The following CPNE4 variants were observed in gnomAD, a reference collection of about 807,000 sequenced individuals.
CPNE4 encodes copine-4.
Under a neutral mutation model 67.9 loss-of-function variants are expected in CPNE4, and 25 were observed. That is an observed-to-expected ratio of 0.37 (90% CI 0.27 to 0.51). The LOEUF (loss-of-function observed/expected upper bound fraction) is 0.51, where lower values mean the gene tolerates loss of function less well. Among genes scored for constraint, CPNE4 ranks in the 20% least tolerant of loss-of-function variants. The pLI is 0.93. For missense variants in CPNE4, 464 were observed against 690.8 expected, an observed-to-expected ratio of 0.67 and a Z score of 3.68; for synonymous variants, 242 against 244.9, an observed-to-expected ratio of 0.99 and a Z score of 0.11.
At chr3:131,933,745 C>G (rs1488208804) in intron 1 of CPNE4, among the ~76,000 whole-genome samples, 1 of 150,826 alleles carries the variant, frequency 6.6e-6, no homozygotes, top group African/African-American at 2.4e-5. Flanking sequence ...ATTAATGAAC[C>G]TGGAGGACAT....
Position 131,535,199 on chromosome 3 carries a change from G to A in CPNE4, c.1670C>T (p.Pro557Leu), listed in dbSNP as rs142424675. Residue 557 changes from proline to leucine, a missense_variant, in exon 16 of 16, where the codon CCA becomes CTA. Transcript: ENST00000429747. ...CTGTAAAACTGTGTGGGGAGTTCAT[G>A]GTGCTAGTGTTCTGGAAGATTCATA... Reference protein sequence around the residue: ...EMYESSRTLAP With the variant: ...EMYESSRTLAL 7.5e-6 allele frequency: 12 copies of A among 1,608,778 alleles called. No homozygotes were observed. The African/African-American group carries it at 1.6e-4, about 22-fold the overall frequency.
rs187479999 is a variant in CPNE4 at position 131,948,443 on chromosome 3, C to T, written c.-1-42999G>A. On this transcript the variant is annotated intron_variant, in intron 1 of 15. Transcript: ENST00000429747. ...TCCCCAGCAATGCGGAACTGTGAGT[C>T]AATTAAAACTCATTCCTTTATAAAC... is the stretch of plus-strand genomic sequence containing the variant. Among the ~76,000 whole-genome samples, 689 of 152,264 alleles carry T rather than the reference C, an allele frequency of 4.5e-3. 2 individuals are homozygous for T. Among genetic ancestry groups the T allele is most frequent in the Non-Finnish European group, 5.5e-3 (374 of 68,018 alleles).
intron 1 of CPNE4, among the ~76,000 whole-genome samples, chr3:131,960,136 A>AGAGG (rs909263878): frequency 4.0e-5 from 6 of 151,550 alleles, no homozygotes; most frequent in African/African-American, 1.2e-4. Flanking sequence ...GGGAGGGAGG[A>AGAGG]GAGGGAGGGA....
chr3:131,764,277 G>GA (rs11378336), intron 2 of CPNE4, among the ~76,000 whole-genome samples: 83,339 of 148,526 alleles, frequency 0.56, 23,526 homozygotes, highest in East Asian at 0.73. Flanking sequence ...TGTTTTATAG[G>GA]AAAAAAAAAA....
chr3:131,952,437 C>T lies in CPNE4; in HGVS notation c.-1-46993G>A, dbSNP rs996380091. On this transcript the variant is annotated intron_variant, in intron 1 of 15. Transcript: ENST00000429747. ...ACCCCATCTGGGAAGTGAGGAGCGT[C>T]TCCGCCCAGCAGCCACCCCGTCCGG... Among the ~76,000 whole-genome samples the T allele has an allele frequency of 2.1e-5, 3 of 144,850 alleles. No individual in the cohort carries two copies. In the Admixed American group the frequency reaches 2.2e-4, roughly 11 times the overall value.
At chr3:131,768,620 A>G (rs761259312) in intron 2 of CPNE4, among the ~76,000 whole-genome samples, 1 of 152,180 alleles carries the variant, frequency 6.6e-6, no homozygotes, top group Non-Finnish European at 1.5e-5. Context: ...CTTCATCTCA[A>G]GCAGGATGGG....
intron 7 of CPNE4, among the ~76,000 whole-genome samples, chr3:131,643,339 T>C (rs1034851963): frequency 6.6e-6 from 1 of 152,234 alleles, no homozygotes; most frequent in Non-Finnish European, 1.5e-5. Context: ...GTTTAATGAC[T>C]GCCCTTTTGG....
At chr3:131,685,768 G>A (rs922454962) in intron 6 of CPNE4, 107 bp downstream of exon 6, 11 of 713,298 alleles carry the variant, frequency 1.5e-5, no homozygotes, top group South Asian at 1.9e-5. Flanking sequence ...GTGACACAGC[G>A]AGACTCCACC....
chr3:131,635,579 C>T (rs1304783108), intron 7 of CPNE4, among the ~76,000 whole-genome samples: 1 of 152,236 alleles, frequency 6.6e-6, no homozygotes, highest in Non-Finnish European at 1.5e-5. Flanking sequence ...AATAGCAACA[C>T]ATGTCTTGTG....
At chr3:131,715,914 A>G (rs2081673448) in intron 3 of CPNE4, among the ~76,000 whole-genome samples, 1 of 152,160 alleles carries the variant, frequency 6.6e-6, no homozygotes, top group East Asian at 1.9e-4. Context: ...GGCAACAGAA[A>G]TCTAAGGAAG....
chr3:131,555,730 C>A (rs1036742908), intron 11 of CPNE4, among the ~76,000 whole-genome samples, 179 bp from the exon 12 acceptor site: 2 of 152,022 alleles, frequency 1.3e-5, no homozygotes. Context: ...TAATTAAAAT[C>A]AAGAAACAGC....
intron 2 of CPNE4, among the ~76,000 whole-genome samples, chr3:131,778,670 T>A (rs988421239): frequency 1.3e-5 from 2 of 152,050 alleles, no homozygotes; most frequent in Non-Finnish European, 2.9e-5. Flanking sequence ...ATTCCAAGGG[T>A]AGCCCAGACA....
chr3:132,037,664 A>T, upstream of CPNE4: 1 of 1,481,542 alleles, frequency 6.7e-7, no homozygotes, highest in Non-Finnish European at 9.1e-7. Context: ...GGTGTTCCCA[A>T]GTTGCAAAGG....
intron 2 of CPNE4, among the ~76,000 whole-genome samples, chr3:131,891,984 C>G (rs186115294): frequency 2.0e-5 from 3 of 152,018 alleles, no homozygotes; most frequent in Admixed American, 2.0e-4. Context: ...ATGGGAATGG[C>G]AAAAAATCTC....
At chr3:131,837,476 T>C (rs2085604067) in intron 2 of CPNE4, among the ~76,000 whole-genome samples, 1 of 152,094 alleles carries the variant, frequency 6.6e-6, no homozygotes, top group African/African-American at 2.4e-5. Context: ...TATAAGATTC[T>C]CAAATGACAA....
At chr3:131,641,255 C>T (rs917706423) in intron 7 of CPNE4, among the ~76,000 whole-genome samples, 14 of 152,018 alleles carry the variant, frequency 9.2e-5, no homozygotes, top group African/African-American at 3.4e-4. Context: ...AAAATCTTCA[C>T]AATCTATACA....
At chr3:131,739,212 C>G (rs181163200) in intron 2 of CPNE4, among the ~76,000 whole-genome samples, 2 of 152,298 alleles carry the variant, frequency 1.3e-5, no homozygotes, top group East Asian at 3.9e-4. Context: ...GAGCCCCTGC[C>G]TTTAACCATC....
At chr3:131,694,860 A>G (rs893771733) in intron 5 of CPNE4, among the ~76,000 whole-genome samples, 3 of 152,186 alleles carry the variant, frequency 2.0e-5, no homozygotes, top group Non-Finnish European at 4.4e-5. Flanking sequence ...GAACTGCCCA[A>G]CTGAACCCTG....
chr3:131,973,657 T>C (rs2072564087), intron 1 of CPNE4, among the ~76,000 whole-genome samples: 1 of 152,178 alleles, frequency 6.6e-6, no homozygotes, highest in African/African-American at 2.4e-5. Flanking sequence ...GTATTAATGT[T>C]TTCAACTCAG....
Sources: allele counts gnomAD v4.1 joint callset (sites outside exome capture counted in the v4.1 genomes callset), GRCh38; gene constraint gnomAD v4.1.1; transcripts MANE v1.5; gene names NCBI Gene and HGNC (gene_info 2026-07-23, HGNC 2026-07-21).